Variants in SH2D5 observed in about 807,000 individuals in gnomAD.
SH2D5 encodes SH2 domain-containing protein 5.
In SH2D5, 45 loss-of-function variants were observed where a neutral mutation model predicts 48.2. That is an observed-to-expected ratio of 0.93 (90% CI 0.73 to 1.20). The LOEUF (loss-of-function observed/expected upper bound fraction) is 1.20, where lower values mean the gene tolerates loss of function less well. Among genes scored for constraint, SH2D5 ranks in the 50% most tolerant of loss-of-function variants. SH2D5 has a pLI of 0.00. For synonymous variants in SH2D5, 230 were observed against 249.8 expected, an observed-to-expected ratio of 0.92 and a Z score of 0.75; for missense variants, 538 against 584.1, an observed-to-expected ratio of 0.92 and a Z score of 0.81.
rs1370242924 is a variant in SH2D5 at position 20,729,904 on chromosome 1, C to T, written c.-42-1818G>A. 6.6e-6 allele frequency among the ~76,000 whole-genome samples: 1 copy of T among 152,250 alleles called. No homozygotes were observed. Among genetic ancestry groups the T allele is most frequent in the Non-Finnish European group, 1.5e-5 (1 of 68,042 alleles). ...TTCCTGGCGCTCCCTCCTATCCTGG[C>T]TGCCCTCCTGCTTTTCTGGGCTATT... On this transcript the variant is annotated intron_variant, in intron 1 of 9. Coordinates refer to ENST00000444387, the MANE Select transcript of SH2D5 (RefSeq NM_001103161.2). The surrounding 1 kb of genome is among the most constrained non-coding windows in gnomAD (Gnocchi z 4.2).
At chr1:20,725,076 C>T (rs2054769050) in intron 5 of SH2D5, among the ~76,000 whole-genome samples, 1 of 152,244 alleles carries the variant, frequency 6.6e-6, no homozygotes, top group East Asian at 1.9e-4. Flanking sequence ...CTCTCTGTGC[C>T]TCGGTTTCCT....
At chr1:20,730,306 CG>C (rs58462623) in intron 1 of SH2D5, among the ~76,000 whole-genome samples, 1,690 of 134,098 alleles carry the variant, frequency 0.013, 13 homozygotes, top group African/African-American at 0.032. Context: ...CCATCCTGCT[CG>C]GGGGGGGGGG....
At chr1:20,724,954 G>A (rs2054767336) in intron 5 of SH2D5, among the ~76,000 whole-genome samples, 1 of 152,218 alleles carries the variant, frequency 6.6e-6, no homozygotes, top group Non-Finnish European at 1.5e-5. Context: ...TGCCACATCA[G>A]CGCCCTCTTC....
chr1:20,724,711 A>T, intron 5 of SH2D5, 76 bp from the exon 6 acceptor site: 1 of 1,438,880 alleles, frequency 6.9e-7, no homozygotes, highest in Non-Finnish European at 9.1e-7. Flanking sequence ...GCCTCAGCCC[A>T]CTCACCATGG....
intron 5 of SH2D5, among the ~76,000 whole-genome samples, chr1:20,725,006 G>A (rs1218986910): frequency 1.3e-5 from 2 of 152,186 alleles, no homozygotes; most frequent in African/African-American, 4.8e-5. Context: ...CAGAACTTGG[G>A]TTCCAATCCT....
rs1482404602 is a variant in SH2D5, at chr1:20,729,586, C to G, written c.-42-1500G>C. On this transcript the variant is annotated intron_variant, in intron 1 of 9. Transcript: ENST00000444387. This position sits in a 1 kb window ranked among gnomAD's most constrained non-coding sequence, Gnocchi z 4.2. ...GGACAGCGGGGTCTGACCACTTCTG[C>G]TCCCCTCCTTGTCCTTGGCCACACC... Among the ~76,000 whole-genome samples, 1 of 152,182 alleles carries G rather than the reference C, an allele frequency of 6.6e-6. No individual in the cohort carries two copies. Among genetic ancestry groups the G allele is most frequent in the African/African-American group, 2.4e-5 (1 of 41,452 alleles).
chr1:20,723,105 C>T (rs1301795608), intron 8 of SH2D5, among the ~76,000 whole-genome samples, 190 bp from the exon 9 acceptor site: 7 of 152,178 alleles, frequency 4.6e-5, no homozygotes, highest in Admixed American at 6.5e-5. Flanking sequence ...CCCTTGAGCA[C>T]AGGAGTTTGA....
rs1206137229 is a variant in SH2D5, at chr1:20,728,693, CAGA to C, written c.-42-610_-42-608del. Among the ~76,000 whole-genome samples, 26 of 152,362 alleles carry C rather than the reference CAGA, an allele frequency of 1.7e-4. No homozygotes were observed. The highest frequency in any genetic ancestry group is 5.3e-4 in the African/African-American group (22 of 41,584). On this transcript the variant is annotated intron_variant, in intron 1 of 9. Transcript: ENST00000444387. This position sits in a 1 kb window ranked among gnomAD's most constrained non-coding sequence, Gnocchi z 4.3. Reference sequence around the variant, plus strand: ...CCCGCAGGCCGACCTCAGCCCTTATCAGAAGGGCAGGCTGGATCCAGTTTGGGA... The same window carrying C: ...CCCGCAGGCCGACCTCAGCCCTTATCAGGGCAGGCTGGATCCAGTTTGGGA...
chr1:20,724,673 G>A (rs750425305), intron 5 of SH2D5, 38 bp from the exon 6 acceptor site: 4 of 1,495,696 alleles, frequency 2.7e-6, no homozygotes, highest in Non-Finnish European at 3.6e-6. Flanking sequence ...AGCTGGAGGA[G>A]GTCTCCATCT....
In SH2D5 at chr1:20,721,946, G is replaced by A. The variant is rs201560600; in HGVS notation, c.1118C>T (p.Ala373Val). ...PSLEALVENHAVTERSLFCPL... is the reference protein window; with the variant it reads ...PSLEALVENHVVTERSLFCPL... ...ACAGAAGAGGCTACGTTCAGTAACC[G>A]CGTGGTTCTCCACCAGAGCCTCCAG... Residue 373 changes from alanine (A) to valine (V), a missense_variant, in exon 10 of 10, where the codon GCG (alanine) becomes GTG (valine). Physicochemically the swap from Ala to Val is moderately conservative, Grantham distance 64. Transcript: ENST00000444387. 8.9e-5 allele frequency: 144 copies of A among 1,613,134 alleles called. No individual in the cohort carries two copies. The Admixed American group carries it at 1.1e-3, about 12-fold the overall frequency.
intron 5 of SH2D5, 36 bp from the exon 6 acceptor site, chr1:20,724,671 G>A (rs1202644297): frequency 1.3e-6 from 2 of 1,499,112 alleles, no homozygotes; most frequent in African/African-American, 2.8e-5. Context: ...TCAGCTGGAG[G>A]AGGTCTCCAT....
At chr1:20,730,910 C>T (rs1009874873) in intron 1 of SH2D5, 5 of 152,280 alleles carry the variant, frequency 3.3e-5, no homozygotes, top group African/African-American at 1.2e-4. Context: ...GCGCAGAAGC[C>T]CTCTGGGGCA....
intron 5 of SH2D5, among the ~76,000 whole-genome samples, chr1:20,724,973 G>T (rs2054767616): frequency 6.6e-6 from 1 of 152,206 alleles, no homozygotes; most frequent in Non-Finnish European, 1.5e-5. Flanking sequence ...TCCAGGAATG[G>T]CCAAGAGCCC....
intron 9 of SH2D5, 79 bp from the exon 10 acceptor site, chr1:20,722,074 G>A (rs2054698282): frequency 7.2e-7 from 1 of 1,384,220 alleles, no homozygotes; most frequent in East Asian, 2.4e-5. Context: ...TCCCACAGGA[G>A]CCTGCACATT....
intron 9 of SH2D5, among the ~76,000 whole-genome samples, chr1:20,722,328 C>T (rs1308148224): frequency 6.6e-6 from 1 of 152,212 alleles, no homozygotes; most frequent in Non-Finnish European, 1.5e-5. Context: ...GAGTCAGTTT[C>T]CTCCTCTGCT....
intron 4 of SH2D5, among the ~76,000 whole-genome samples, chr1:20,726,725 G>T (rs925035413): frequency 1.3e-5 from 2 of 152,162 alleles, no homozygotes; most frequent in Non-Finnish European, 2.9e-5. Flanking sequence ...GAGAGCCTCA[G>T]TGGGCTGGAT....
intron 7 of SH2D5, 113 bp from the exon 8 acceptor site, chr1:20,723,847 A>G: frequency 9.8e-7 from 1 of 1,016,398 alleles, no homozygotes; most frequent in Non-Finnish European, 1.5e-6. Flanking sequence ...TACCCTGCTC[A>G]GCAGACATAT....
chr1:20,726,552 G>T (rs2054802808), intron 4 of SH2D5, among the ~76,000 whole-genome samples: 1 of 152,156 alleles, frequency 6.6e-6, no homozygotes, highest in Non-Finnish European at 1.5e-5. Flanking sequence ...GCCTGCAGCT[G>T]TGGGGTACAG....
intron 5 of SH2D5, 37 bp downstream of exon 5, chr1:20,725,883 G>T (rs781321014): frequency 2.7e-5 from 44 of 1,607,900 alleles, no homozygotes; most frequent in Non-Finnish European, 2.7e-5. Context: ...AGCCCCTCCG[G>T]CCTCCGTGGC....
Sources: gnomAD v4.1 joint callset for allele counts (sites outside exome capture counted in the v4.1 genomes callset) on GRCh38, gnomAD v4.1.1 for gene constraint, Gnocchi (gnomAD v3.1) non-coding constraint, MANE v1.5 for transcripts, NCBI Gene and HGNC (gene_info 2026-07-23, HGNC 2026-07-21) for gene names.